ELK3: variants seen among roughly 807,000 people sequenced by gnomAD.
ELK3 encodes the protein ETS domain-containing protein Elk-3.
A neutral mutation model predicts 28.9 loss-of-function variants in ELK3; 10 were observed. The ratio of observed to expected loss-of-function variants is 0.35; its 90% CI spans 0.21 to 0.59. ELK3 has a LOEUF of 0.59. Ranked by LOEUF, ELK3 falls within the 20% of genes least tolerant of loss-of-function variation. The probability of loss-of-function intolerance (pLI) is 0.82; values close to 1 mark genes in which losing one functional copy is unlikely to be tolerated. For missense variants in ELK3, 463 were observed against 517.3 expected (o/e 0.90, Z 1.02); for synonymous variants, 272 against 243.5 (o/e 1.12, Z -1.09).
chr12:96,235,962 G>C (rs1951779917), intron 2 of ELK3, among the ~76,000 whole-genome samples: 1 of 152,030 alleles, frequency 6.6e-6, no homozygotes, highest in African/African-American at 2.4e-5. Context: ...TGAGTAGCTG[G>C]GACTATAGGT....
In ELK3 at chr12:96,267,918, A is replaced by AGAT. The variant is rs1490418121; in HGVS notation, c.*740_*742dup. 2.0e-5 allele frequency: 3 copies of AGAT among 152,582 alleles called. No homozygotes were observed. Among genetic ancestry groups the AGAT allele is most frequent in the South Asian group, 2.1e-4 (1 of 4,830 alleles). The allele number at this position is 152,582 out of a possible 1,614,324, so 9.5% of individuals were successfully genotyped here. ...AGCTGTTTACAGTATCTTATCTTTTAGATGCCTCCCAGACAAAAATCTGAG... is the reference window on the plus strand; with the variant it reads ...AGCTGTTTACAGTATCTTATCTTTTAGATGATGCCTCCCAGACAAAAATCTGAG... On this transcript the variant is annotated 3_prime_UTR_variant, in exon 5 of 5. Transcript: ENST00000228741.
intron 4 of ELK3, among the ~76,000 whole-genome samples, chr12:96,264,936 T>C (rs370009809): frequency 6.6e-6 from 1 of 152,224 alleles, no homozygotes; most frequent in Non-Finnish European, 1.5e-5. Flanking sequence ...CACAGGGATA[T>C]TGGCTAGTTT....
Position 96,223,626 on chromosome 12 carries a change from T to C in ELK3, c.60T>C (p.His20=), listed in dbSNP as rs765943217. 2 of 1,614,142 alleles carry C rather than the reference T, an allele frequency of 1.2e-6. No individual in the cohort carries two copies. Among genetic ancestry groups the C allele is most frequent in the Admixed American group, 3.3e-5 (2 of 60,010 alleles). The change falls in exon 2 of 5, where the codon CAT becomes CAC. Residue 20 remains histidine (H), a synonymous_variant. Transcript: ENST00000228741. ...TGCAGTTGCTGCTGGATCAGAAACA[T>C]GAGCATTTGATCTGCTGGACCTCGA... ...FLLQLLLDQK[H]EHLICWTSND...
At chr12:96,233,294 C>T (rs1951756651) in intron 2 of ELK3, among the ~76,000 whole-genome samples, 1 of 152,184 alleles carries the variant, frequency 6.6e-6, no homozygotes, top group Non-Finnish European at 1.5e-5. Flanking sequence ...ACCCCTCATC[C>T]TCTTCTGTCC....
intron 1 of ELK3, among the ~76,000 whole-genome samples, chr12:96,218,840 G>A (rs1308127288): frequency 6.6e-6 from 1 of 152,052 alleles, no homozygotes; most frequent in African/African-American, 2.4e-5. Context: ...AGTAGAGACA[G>A]GGTTTCACTG....
intron 1 of ELK3, among the ~76,000 whole-genome samples, chr12:96,200,083 A>G (rs550056339): frequency 2.4e-4 from 37 of 152,294 alleles, no homozygotes; most frequent in African/African-American, 7.5e-4. Flanking sequence ...ATTGATATAA[A>G]TGTACATATT....
chr12:96,266,844 A>T, intron 4 of ELK3, among the ~76,000 whole-genome samples: 1 of 152,222 alleles, frequency 6.6e-6, no homozygotes. Flanking sequence ...TTTTCCTAGT[A>T]GCCTATGCAT....
intron 2 of ELK3, among the ~76,000 whole-genome samples, chr12:96,237,862 A>G (rs1426203906): frequency 6.6e-6 from 1 of 152,264 alleles, no homozygotes; most frequent in African/African-American, 2.4e-5. Context: ...TACTTGTTCT[A>G]ACTTTGGAGA....
rs7305215 is a variant in ELK3, at chr12:96,242,336, C to T, written c.208-4604C>T. On this transcript the variant is annotated intron_variant, in intron 2 of 4. Transcript: ENST00000228741. ...CCAACAGTGTATAATTTATACTTTC[C>T]GAGCCTCAGCTTGCTTATCTCCAAA... Among the ~76,000 whole-genome samples the T allele has an allele frequency of 1.8e-3, 281 of 152,232 alleles. 1 individual carries two copies. The highest frequency in any genetic ancestry group is 6.1e-3 in the African/African-American group (254 of 41,542).
rs1216057619 is a variant in ELK3 at position 96,194,634 on chromosome 12, G to T, written c.-74G>T. On this transcript the variant is annotated 5_prime_UTR_variant, in exon 1 of 5. Coordinates refer to ENST00000228741, the MANE Select transcript of ELK3 (RefSeq NM_005230.4). ...ACAGACCGTCTGCAGACGCCTGTCAGCATGGAAAGTCGGGGGCTTTCGCCC... is the reference window on the plus strand; with the variant it reads ...ACAGACCGTCTGCAGACGCCTGTCATCATGGAAAGTCGGGGGCTTTCGCCC... The T allele has an allele frequency of 6.6e-6, 1 of 150,734 alleles. No homozygotes were observed. The highest frequency in any genetic ancestry group is 2.4e-5 in the African/African-American group (1 of 41,304). The allele number at this position is 150,734 out of a possible 1,614,324, so 9.3% of individuals were successfully genotyped here.
At chr12:96,198,790 A>G (rs1414945679) in intron 1 of ELK3, among the ~76,000 whole-genome samples, 2 of 152,220 alleles carry the variant, frequency 1.3e-5, no homozygotes, top group Admixed American at 6.5e-5. Context: ...ATGTGTGTCT[A>G]TGTATATCCA....
At chr12:96,234,530 G>A (rs774824532) in intron 2 of ELK3, among the ~76,000 whole-genome samples, 1 of 152,012 alleles carries the variant, frequency 6.6e-6, no homozygotes, top group Admixed American at 6.6e-5. Flanking sequence ...TCCTCTGCAC[G>A]GCCTCTCCCC....
chr12:96,265,970 T>C (rs974345083), intron 4 of ELK3, among the ~76,000 whole-genome samples: 1 of 152,200 alleles, frequency 6.6e-6, no homozygotes, highest in Non-Finnish European at 1.5e-5. Flanking sequence ...TGTAAAATGT[T>C]GGTACAGAAA....
chr12:96,258,988 G>C lies in ELK3; in HGVS notation c.1003-743G>C, dbSNP rs114479152. On this transcript the variant is annotated intron_variant, in intron 3 of 4. Transcript: ENST00000228741. ...AAGCCTTAACAGCTGTTGATATGGA[G>C]ACCATTTAAAAACGTGTGTTCGTAA... 4.3e-3 allele frequency among the ~76,000 whole-genome samples: 650 copies of C among 152,268 alleles called. 7 individuals are homozygous for C. Among genetic ancestry groups the C allele is most frequent in the African/African-American group, 0.015 (606 of 41,564 alleles).
intron 1 of ELK3, among the ~76,000 whole-genome samples, chr12:96,205,794 A>G (rs565407717): frequency 6.6e-6 from 1 of 152,364 alleles, no homozygotes; most frequent in East Asian, 1.9e-4. Context: ...AAATGCCCAT[A>G]GATGGACTGA....
chr12:96,253,066 GC>G (rs1409988972), intron 3 of ELK3, among the ~76,000 whole-genome samples: 2 of 152,182 alleles, frequency 1.3e-5, no homozygotes, highest in Admixed American at 6.5e-5. Flanking sequence ...TTCAAGACCA[GC>G]CTGGCCAACA....
chr12:96,254,776 C>T (rs983143866), intron 3 of ELK3, among the ~76,000 whole-genome samples: 1 of 151,884 alleles, frequency 6.6e-6, no homozygotes, highest in Non-Finnish European at 1.5e-5. Context: ...ATTAACTTTG[C>T]CTGAGATGGA....
intron 1 of ELK3, among the ~76,000 whole-genome samples, chr12:96,218,680 G>T (rs533237931): frequency 7.0e-6 from 1 of 143,648 alleles, no homozygotes; most frequent in African/African-American, 2.6e-5. Context: ...ACAGAGTCTC[G>T]CTCTGTCACC....
At chr12:96,266,553 C>T (rs971380217) in intron 4 of ELK3, among the ~76,000 whole-genome samples, 82 of 151,964 alleles carry the variant, frequency 5.4e-4, no homozygotes, top group African/African-American at 1.9e-3. Context: ...TTCTTAGCTC[C>T]AAAATAATCT....
Sources: gnomAD v4.1 joint callset for allele counts (sites outside exome capture counted in the v4.1 genomes callset) on GRCh38, gnomAD v4.1.1 for gene constraint, MANE v1.5 for transcripts, NCBI Gene and HGNC (gene_info 2026-07-23, HGNC 2026-07-21) for gene names.